Variants in BEAN1 observed in about 807,000 individuals in gnomAD.
BEAN1 encodes the protein protein BEAN1.
A neutral mutation model predicts 17.7 loss-of-function variants in BEAN1; 17 were observed. The ratio of observed to expected loss-of-function variants is 0.96; its 90% CI spans 0.66 to 1.44. The LOEUF is 1.44. Among genes scored for constraint, BEAN1 ranks in the 40% most tolerant of loss-of-function variants. The probability of loss-of-function intolerance (pLI) is 0.00; values close to 1 mark genes in which losing one functional copy is unlikely to be tolerated. For missense variants in BEAN1, 359 were observed against 374.1 expected, an observed-to-expected ratio of 0.96 and a Z score of 0.33; for synonymous variants, 142 against 151.8, an observed-to-expected ratio of 0.94 and a Z score of 0.47.
intron 1 of BEAN1, among the ~76,000 whole-genome samples, chr16:66,429,976 G>C (rs1961735896): frequency 6.6e-6 from 1 of 152,194 alleles, no homozygotes. Context: ...AGGGGCATCT[G>C]CTGTCAGCCT....
At chr16:66,461,407 A>T (rs961155084) in intron 2 of BEAN1, among the ~76,000 whole-genome samples, 2 of 152,086 alleles carry the variant, frequency 1.3e-5, no homozygotes, top group African/African-American at 2.4e-5. Flanking sequence ...GGCATGGGTG[A>T]TGCCATCTCC....
downstream of BEAN1, chr16:66,484,989 G>A (rs1402420844): frequency 2.2e-6 from 1 of 454,020 alleles, no homozygotes; most frequent in Non-Finnish European, 4.4e-6. This position sits in a 1 kb window ranked among gnomAD's most constrained non-coding sequence, Gnocchi z 4.2. Flanking sequence ...TAGTCCACAA[G>A]AGCCATCATT....
intron 1 of BEAN1, among the ~76,000 whole-genome samples, chr16:66,432,784 G>A (rs1231486798): frequency 1.3e-5 from 2 of 152,178 alleles, no homozygotes; most frequent in African/African-American, 4.8e-5. Context: ...CCCGCCCAGG[G>A]TCTTTTGCCC....
downstream of BEAN1, chr16:66,493,604 T>A (rs1275895614): frequency 1.9e-6 from 1 of 538,704 alleles, no homozygotes; most frequent in African/African-American, 1.9e-5. Flanking sequence ...TGGCCCTTCA[T>A]CGGGTGAGGT....
intron 4 of BEAN1, among the ~76,000 whole-genome samples, chr16:66,488,213 C>T (rs370803876): frequency 2.1e-5 from 3 of 143,984 alleles, no homozygotes; most frequent in East Asian, 2.0e-4. Flanking sequence ...AGAAGAATCA[C>T]AGTGGTGGGG....
chr16:66,449,034 C>T (rs1354878483), intron 2 of BEAN1, among the ~76,000 whole-genome samples: 1 of 151,886 alleles, frequency 6.6e-6, no homozygotes, highest in Non-Finnish European at 1.5e-5. Context: ...TAAACACATC[C>T]TTACTTGCAT....
At chr16:66,429,209 G>A (rs1961700311) in intron 1 of BEAN1, among the ~76,000 whole-genome samples, 1 of 152,228 alleles carries the variant, frequency 6.6e-6, no homozygotes, top group South Asian at 2.1e-4. Context: ...CTAGAGGTCT[G>A]AGGGGTCCCA....
chr16:66,450,487 G>A (rs756428966), intron 2 of BEAN1, among the ~76,000 whole-genome samples: 2 of 152,152 alleles, frequency 1.3e-5, no homozygotes, highest in East Asian at 1.9e-4. Flanking sequence ...AGGCCGAAAC[G>A]GGAGGATCGC....
intron 1 of BEAN1, among the ~76,000 whole-genome samples, chr16:66,431,862 AGTGAC>A (rs1961819375): frequency 6.6e-6 from 1 of 151,830 alleles, no homozygotes; most frequent in African/African-American, 2.4e-5. Context: ...GCTGGAGTGC[AGTGAC>A]ACGATCTCGG....
At chr16:66,487,383 G>C (rs1051717743), downstream of BEAN1, among the ~76,000 whole-genome samples, 7 of 152,152 alleles carry the variant, frequency 4.6e-5, no homozygotes, top group African/African-American at 1.4e-4. Flanking sequence ...CTAGGGGCCT[G>C]GAATTGTGGC....
At chr16:66,438,340 C>T (rs1391179282) in intron 2 of BEAN1, among the ~76,000 whole-genome samples, 2 of 152,082 alleles carry the variant, frequency 1.3e-5, no homozygotes, top group African/African-American at 4.8e-5. Context: ...GCCGAGATCA[C>T]ACCATTGCAC....
At chr16:66,460,137 C>G (rs1963028449) in intron 2 of BEAN1, among the ~76,000 whole-genome samples, 1 of 152,244 alleles carries the variant, frequency 6.6e-6, no homozygotes, top group Non-Finnish European at 1.5e-5. Flanking sequence ...GAGAGAGACA[C>G]AGGCCCCACC....
At chr16:66,474,327 G>A (rs1290916125) in intron 3 of BEAN1, among the ~76,000 whole-genome samples, 23 of 151,650 alleles carry the variant, frequency 1.5e-4, no homozygotes, top group Admixed American at 1.4e-3. Context: ...ACTAATGTCA[G>A]CTGTCCCTGC....
At chr16:66,445,471 G>A (rs535776140) in intron 2 of BEAN1, among the ~76,000 whole-genome samples, 11 of 81,316 alleles carry the variant, frequency 1.4e-4, no homozygotes, top group East Asian at 4.4e-4. Context: ...GTGAGACTCC[G>A]TCTCAAAAAA....
chr16:66,466,104 G>A (rs118190562), intron 2 of BEAN1, among the ~76,000 whole-genome samples: 6,342 of 152,188 alleles, frequency 0.042, 188 homozygotes, highest in Non-Finnish European at 0.059. Context: ...GTGAGCCACC[G>A]CAGCCGGCCA....
At position 66,480,774 on chromosome 16, in the gene BEAN1, T is replaced by C. The variant is rs1013543850; in HGVS notation, c.629T>C (p.Met210Thr). 39 of 1,550,990 alleles carry C rather than the reference T, an allele frequency of 2.5e-5. No homozygotes were observed. The highest frequency in any genetic ancestry group is 3.2e-5 in the Non-Finnish European group (37 of 1,146,798). The stretch of plus-strand genomic sequence containing the variant: ...CAAGGTGGCCTTCACACGGTCTCCA[T>C]GGACACCCTTCCCCCCTACGAGGCT... ...PAQGGLHTVS[M>T]DTLPPYEAVC... Residue 210 changes from methionine to threonine, a missense_variant, in exon 5 of 5, where the codon ATG becomes ACG. Physicochemically the swap from Met to Thr is moderately conservative, Grantham distance 81. Coordinates refer to ENST00000536005, the MANE Select transcript of BEAN1 (RefSeq NM_001178020.3).
Position 66,477,690 on chromosome 16 carries a change from G to A in BEAN1, c.420G>A (p.Leu140=). The stretch of plus-strand genomic sequence containing the variant: ...TGGATGCCACGGTGCTCAGGGAGCT[G>A]TACCCAGATTCTCCACCAGGGTAAG... The part of the protein sequence containing the change: ...GDVDATVLRE[L]YPDSPPGYEE... The change falls in exon 4 of 5, where the codon CTG becomes CTA. Residue 140 remains leucine, a synonymous_variant. Transcript: ENST00000536005. 1 of 1,548,964 alleles carries A rather than the reference G, an allele frequency of 6.5e-7. No homozygotes were observed. Among genetic ancestry groups the A allele is most frequent in the Non-Finnish European group, 8.7e-7 (1 of 1,145,730 alleles).
chr16:66,468,833 G>A (rs546790533), intron 2 of BEAN1, among the ~76,000 whole-genome samples: 12 of 152,166 alleles, frequency 7.9e-5, no homozygotes, highest in Non-Finnish European at 1.5e-4. Flanking sequence ...CATCTTTTCC[G>A]GTGAGAGGAC....
downstream of BEAN1, among the ~76,000 whole-genome samples, chr16:66,495,187 A>G (rs1326394709): frequency 6.6e-6 from 1 of 152,068 alleles, no homozygotes; most frequent in Non-Finnish European, 1.5e-5. Context: ...CAGTCCTAAA[A>G]CAGCCCCTAC....
Sources: allele counts gnomAD v4.1 joint callset (sites outside exome capture counted in the v4.1 genomes callset), GRCh38; gene constraint gnomAD v4.1.1; non-coding constraint Gnocchi (gnomAD v3.1); transcripts MANE v1.5; gene names NCBI Gene and HGNC (gene_info 2026-07-23, HGNC 2026-07-21).